The following EDA variants were observed in gnomAD, a reference collection of about 807,000 sequenced individuals.
The protein encoded by EDA is ectodysplasin-A.
A neutral mutation model predicts 23.6 loss-of-function variants in EDA; 2 were observed. That is an observed-to-expected ratio of 0.08 (90% CI 0.03 to 0.27). The LOEUF (loss-of-function observed/expected upper bound fraction) is 0.27, where lower values mean the gene tolerates loss of function less well. EDA is among the 10% of genes least tolerant of loss of function. EDA has a pLI of 1.00. For missense variants in EDA, 229 were observed against 324.2 expected (o/e 0.71, Z 2.26); for synonymous variants, 131 against 132.0 (o/e 0.99, Z 0.05).
chrX:69,825,873 C>A (rs1349975528), intron 1 of EDA, among the ~76,000 whole-genome samples: 1 of 110,012 alleles, frequency 9.1e-6, no homozygotes, highest in Admixed American at 9.7e-5. Context: ...GCTATGAATG[C>A]ATCCCAGAGA....
intron 2 of EDA, among the ~76,000 whole-genome samples, chrX:69,967,994 G>A (rs1237336599): frequency 9.0e-6 from 1 of 111,496 alleles, no homozygotes; most frequent in Non-Finnish European, 1.9e-5. Flanking sequence ...AAAGAGAGGA[G>A]GAGAAGAGAG....
chrX:69,863,000 A>G (rs12558580), intron 1 of EDA, among the ~76,000 whole-genome samples: 31,116 of 106,158 alleles, frequency 0.29, 4,672 homozygotes, highest in Middle Eastern at 0.53. Context: ...CACACACCAC[A>G]ACAGCACCAC....
intron 1 of EDA, among the ~76,000 whole-genome samples, chrX:69,906,813 T>C (rs973315069): frequency 8.9e-6 from 1 of 112,308 alleles, no homozygotes; most frequent in Non-Finnish European, 1.9e-5. Flanking sequence ...ACAGTATTTA[T>C]GTAAAAGAAA....
At chrX:69,656,558 T>C (rs913589613) in intron 1 of EDA, among the ~76,000 whole-genome samples, 1 of 111,605 alleles carries the variant, frequency 9.0e-6, no homozygotes, top group Admixed American at 9.6e-5. Flanking sequence ...TATATAGGTA[T>C]ATTGCAGGAT....
At chrX:69,884,778 A>G (rs991471493) in intron 1 of EDA, among the ~76,000 whole-genome samples, 2 of 112,194 alleles carry the variant, frequency 1.8e-5, no homozygotes, top group African/African-American at 6.5e-5. Flanking sequence ...TGCTATGAAC[A>G]TTCATGTACA....
At chrX:69,768,707 A>G (rs1172020756) in intron 1 of EDA, among the ~76,000 whole-genome samples, 1 of 111,605 alleles carries the variant, frequency 9.0e-6, no homozygotes, top group Non-Finnish European at 1.9e-5. Context: ...TTTAGAACCC[A>G]ATTGTCAATT....
At chrX:69,899,596 C>T (rs2018069321) in intron 1 of EDA, among the ~76,000 whole-genome samples, 1 of 110,392 alleles carries the variant, frequency 9.1e-6, no homozygotes, top group East Asian at 2.8e-4. Flanking sequence ...GTAATTATTA[C>T]AATATATATA....
chrX:69,962,819 G>C (rs771243251), intron 2 of EDA, among the ~76,000 whole-genome samples: 1 of 112,009 alleles, frequency 8.9e-6, no homozygotes, highest in Non-Finnish European at 1.9e-5. Flanking sequence ...GGCATTTGGG[G>C]CATTCACATT....
At chrX:69,736,010 GAAA>G (rs11316346) in intron 1 of EDA, among the ~76,000 whole-genome samples, 7 of 102,453 alleles carry the variant, frequency 6.8e-5, no homozygotes, top group Non-Finnish European at 9.9e-5. Context: ...ATCTGCAAGA[GAAA>G]AAAAAAAAAT....
chrX:70,030,859 G>T (rs1383030029), intron 6 of EDA, among the ~76,000 whole-genome samples: 1 of 112,612 alleles, frequency 8.9e-6, no homozygotes, highest in Admixed American at 9.4e-5. Context: ...ACAAATTATA[G>T]AAAGTAAAAC....
rs148738342 is a variant in EDA, at chrX:69,616,689, C to T, written c.381C>T (p.Ser127=). The T allele has an allele frequency of 8.3e-4, 1,002 of 1,209,974 alleles. 11 individuals carry two copies. In the African/African-American group the frequency reaches 0.016, roughly 19 times the overall value. ...GAGAAGCCGCACTCCACTCTGACTCCCAGGACGGGCACCAGGTGAGTCACC... is the reference window on the plus strand; with the variant it reads ...GAGAAGCCGCACTCCACTCTGACTCTCAGGACGGGCACCAGGTGAGTCACC... ...EPGEAALHSD[S]QDGHQMALLN... Residue 127 remains serine, a synonymous_variant, in exon 1 of 8, where the codon TCC becomes TCT. Transcript: ENST00000374552.
intron 1 of EDA, among the ~76,000 whole-genome samples, chrX:69,674,073 A>T (rs1664884374): frequency 9.1e-6 from 1 of 109,996 alleles, no homozygotes; most frequent in African/African-American, 3.3e-5. Flanking sequence ...AAAACAGCTA[A>T]TTTTTATTGA....
intron 2 of EDA, among the ~76,000 whole-genome samples, chrX:70,020,764 A>G (rs182950483): frequency 8.9e-6 from 1 of 111,936 alleles, no homozygotes; most frequent in Non-Finnish European, 1.9e-5. Context: ...TGATGCATCC[A>G]TATTAAAAAT....
At chrX:69,846,103 T>C (rs1336419495) in intron 1 of EDA, among the ~76,000 whole-genome samples, 1 of 112,423 alleles carries the variant, frequency 8.9e-6, no homozygotes, top group African/African-American at 3.2e-5. Flanking sequence ...CAACAATAAA[T>C]AACTAATATA....
chrX:69,900,382 T>C (rs1485375752), intron 1 of EDA, among the ~76,000 whole-genome samples: 1 of 107,957 alleles, frequency 9.3e-6, no homozygotes, highest in African/African-American at 3.3e-5. Context: ...TGAATTAATT[T>C]AGTAGTCATA....
At chrX:69,702,268 G>T (rs1012223408) in intron 1 of EDA, among the ~76,000 whole-genome samples, 1 of 110,881 alleles carries the variant, frequency 9.0e-6, no homozygotes, top group East Asian at 2.8e-4. Flanking sequence ...GGAAGAAGCC[G>T]GAAGTGGTTC....
intron 1 of EDA, among the ~76,000 whole-genome samples, chrX:69,666,311 G>A (rs1331017639): frequency 8.9e-6 from 1 of 111,889 alleles, no homozygotes; most frequent in African/African-American, 3.2e-5. Context: ...TGATTGTTCT[G>A]TCTAGTACTT....
At chrX:69,896,665 G>A (rs1480626085) in intron 1 of EDA, among the ~76,000 whole-genome samples, 1 of 110,739 alleles carries the variant, frequency 9.0e-6, no homozygotes, top group Admixed American at 9.7e-5. Flanking sequence ...ACTTACCTAA[G>A]GCAAGCCATA....
chrX:69,695,280 A>G (rs972213768), intron 1 of EDA, among the ~76,000 whole-genome samples: 1 of 109,918 alleles, frequency 9.1e-6, no homozygotes, highest in African/African-American at 3.3e-5. Context: ...AGATCGCACC[A>G]CTGTAGAGAA....
Sources: allele counts gnomAD v4.1 joint callset (sites outside exome capture counted in the v4.1 genomes callset), GRCh38; gene constraint gnomAD v4.1.1; transcripts MANE v1.5; gene names NCBI Gene and HGNC (gene_info 2026-07-23, HGNC 2026-07-21).